The following ARID1B variants were observed in gnomAD, a reference collection of about 807,000 sequenced individuals.
ARID1B encodes the protein AT-rich interactive domain-containing protein 1B.
ARID1B carries 30 observed loss-of-function variants against 212.3 expected under a neutral mutation model. The ratio of observed to expected loss-of-function variants is 0.14; its 90% CI spans 0.11 to 0.19. The LOEUF (loss-of-function observed/expected upper bound fraction) is 0.19. ARID1B is among the 10% of genes least tolerant of loss of function. ARID1B has a pLI of 1.00. For synonymous variants in ARID1B, 1,402 were observed against 1,301.7 expected (o/e 1.08, Z -1.66); for missense variants, 2,891 against 3,204.0 (o/e 0.90, Z 2.36).
chr6:156,908,214 GATTTC>G (rs1789565329), intron 3 of ARID1B, among the ~76,000 whole-genome samples: 1 of 151,864 alleles, frequency 6.6e-6, no homozygotes, highest in Non-Finnish European at 1.5e-5. Flanking sequence ...TAAAATTTTT[GATTTC>G]ATTTCTTTTG....
chr6:156,792,385 C>G (rs1472187038), intron 1 of ARID1B, among the ~76,000 whole-genome samples: 4 of 152,152 alleles, frequency 2.6e-5, no homozygotes, highest in African/African-American at 9.7e-5. Context: ...AGGAGAAGTG[C>G]TTGAGGCCAG....
chr6:156,929,060 G>A (rs1791485048), intron 3 of ARID1B, among the ~76,000 whole-genome samples: 1 of 152,198 alleles, frequency 6.6e-6, no homozygotes, highest in Non-Finnish European at 1.5e-5. Context: ...CCAGCCTAGT[G>A]CTCATAAGCT....
At chr6:156,972,869 A>G (rs1777018001) in intron 4 of ARID1B, among the ~76,000 whole-genome samples, 1 of 152,248 alleles carries the variant, frequency 6.6e-6, no homozygotes, top group South Asian at 2.1e-4. Flanking sequence ...GACATTTTAA[A>G]CTTTCAGTTT....
intron 4 of ARID1B, among the ~76,000 whole-genome samples, chr6:156,993,983 A>G (rs1778428283): frequency 6.6e-6 from 1 of 152,258 alleles, no homozygotes; most frequent in Non-Finnish European, 1.5e-5. Context: ...TGTCAGGCTC[A>G]CAGATGCCAT....
At chr6:156,944,153 A>G (rs1392896526) in intron 4 of ARID1B, among the ~76,000 whole-genome samples, 1 of 152,226 alleles carries the variant, frequency 6.6e-6, no homozygotes, top group Non-Finnish European at 1.5e-5. Flanking sequence ...TATGAGAAAA[A>G]GCACTGATAA....
chr6:156,813,056 A>G (rs28615827), intron 1 of ARID1B, among the ~76,000 whole-genome samples: 2,586 of 144,322 alleles, frequency 0.018, 97 homozygotes, highest in African/African-American at 0.063. Flanking sequence ...ATACGTATGT[A>G]TATACATATA....
rs1297082440 is a variant in ARID1B at position 157,201,695 on chromosome 6, G to A, written c.5263+207G>A. 6.6e-6 allele frequency among the ~76,000 whole-genome samples: 1 copy of A among 152,160 alleles called. No individual in the cohort carries two copies. The highest frequency in any genetic ancestry group is 2.4e-5 in the African/African-American group (1 of 41,430). On this transcript the variant is annotated intron_variant, in intron 18 of 19. Transcript: ENST00000636930. This position sits in a 1 kb window ranked among gnomAD's most constrained non-coding sequence, Gnocchi z 5.2. ...AGTGCCAGAAAGATTGGCCGGGCGC[G>A]GTGGCTCATGCCTGTAATACCAGCA...
rs535013480 is a variant in ARID1B, at chr6:157,078,970, C to G, written c.2248-5692C>G. 3.3e-4 allele frequency among the ~76,000 whole-genome samples: 51 copies of G among 152,274 alleles called. 2 individuals are homozygous for G. In the South Asian group the frequency reaches 0.011, roughly 32 times the overall value. On this transcript the variant is annotated intron_variant, in intron 4 of 19. Coordinates refer to ENST00000636930, the MANE Select transcript of ARID1B (RefSeq NM_001374828.1). ...GGCTCATTAGTTTTTCTTGTGTTAT[C>G]TCTGGCTTTTGATACGGATTTTTGG...
In ARID1B at chr6:156,959,244, C is replaced by T. The variant is rs750020754; in HGVS notation, c.2247+23668C>T. Among the ~76,000 whole-genome samples the T allele has an allele frequency of 8.9e-4, 135 of 152,126 alleles. 1 individual carries two copies. Among genetic ancestry groups the T allele is most frequent in the Non-Finnish European group, 3.7e-4 (25 of 68,018 alleles). On this transcript the variant is annotated intron_variant, in intron 4 of 19. Coordinates refer to ENST00000636930, the MANE Select transcript of ARID1B (RefSeq NM_001374828.1). ...CAGGGAATTGGTTCTAGGACCCCCA[C>T]GAGTACCAAAATCGTAGATGCTCAA...
At chr6:156,811,414 T>C (rs1781545563) in intron 1 of ARID1B, among the ~76,000 whole-genome samples, 1 of 152,204 alleles carries the variant, frequency 6.6e-6, no homozygotes, top group Admixed American at 6.5e-5. Context: ...TTCATAAAAA[T>C]AGCAGTGGTT....
chr6:156,781,582 C>G (rs566479089), intron 1 of ARID1B, among the ~76,000 whole-genome samples: 1 of 152,192 alleles, frequency 6.6e-6, no homozygotes, highest in South Asian at 2.1e-4. Context: ...AACAAATAAT[C>G]TTGTGAATCC....
At chr6:157,007,597 TAG>T (rs1263473484) in intron 4 of ARID1B, among the ~76,000 whole-genome samples, 2 of 152,094 alleles carry the variant, frequency 1.3e-5, no homozygotes, top group East Asian at 3.8e-4. Flanking sequence ...AAATAGAAAG[TAG>T]AGAATTATAA....
chr6:157,063,273 G>A (rs1187315861), intron 4 of ARID1B, among the ~76,000 whole-genome samples: 2 of 152,210 alleles, frequency 1.3e-5, no homozygotes, highest in Non-Finnish European at 2.9e-5. Context: ...TGGCAGCTGG[G>A]GGGCTAACAT....
chr6:156,904,800 C>G (rs1254881602), intron 3 of ARID1B, among the ~76,000 whole-genome samples: 1 of 152,198 alleles, frequency 6.6e-6, no homozygotes, highest in Non-Finnish European at 1.5e-5. Context: ...ACATGTAAAA[C>G]ATTGTTTCAG....
At chr6:157,025,086 A>G (rs888703732) in intron 4 of ARID1B, among the ~76,000 whole-genome samples, 3 of 152,236 alleles carry the variant, frequency 2.0e-5, no homozygotes, top group Non-Finnish European at 4.4e-5. Context: ...ATTTTAGTAA[A>G]TGATTCCTTT....
chr6:156,931,869 G>A (rs1463359913), intron 3 of ARID1B, among the ~76,000 whole-genome samples: 1 of 151,262 alleles, frequency 6.6e-6, no homozygotes, highest in East Asian at 1.9e-4. Context: ...GGCTGAGGCA[G>A]GAGAATCGCT....
intron 1 of ARID1B, among the ~76,000 whole-genome samples, chr6:156,794,004 G>T (rs1224163939): frequency 6.6e-6 from 1 of 152,110 alleles, no homozygotes; most frequent in African/African-American, 2.4e-5. Context: ...CAATACCCTG[G>T]TTTTTCTGGT....
intron 6 of ARID1B, chr6:157,111,133 C>T (rs1786882641): frequency 6.5e-6 from 1 of 153,194 alleles, no homozygotes; most frequent in South Asian, 2.0e-4. Context: ...TAGTGCCAGT[C>T]CCAGAAAAAA....
chr6:157,135,928 T>C (rs567044498), intron 7 of ARID1B, among the ~76,000 whole-genome samples: 6 of 152,314 alleles, frequency 3.9e-5, no homozygotes, highest in African/African-American at 1.2e-4. Flanking sequence ...TTTTCTGTTT[T>C]TGTTCTTAAC....
Sources: allele counts gnomAD v4.1 joint callset (sites outside exome capture counted in the v4.1 genomes callset), GRCh38; gene constraint gnomAD v4.1.1; non-coding constraint Gnocchi (gnomAD v3.1); transcripts MANE v1.5; gene names NCBI Gene and HGNC (gene_info 2026-07-23, HGNC 2026-07-21).